Variants in GRM7 observed in about 807,000 individuals in gnomAD.
GRM7 encodes glutamate metabotropic receptor 7.
In GRM7, 35 loss-of-function variants were observed where a neutral mutation model predicts 84.5. The observed-to-expected ratio is 0.41, with a 90% CI of 0.32 to 0.55. The LOEUF (loss-of-function observed/expected upper bound fraction) is 0.55. Among genes scored for constraint, GRM7 ranks in the 20% least tolerant of loss-of-function variants. The pLI is 0.19. For synonymous variants in GRM7, 487 were observed against 455.1 expected (o/e 1.07, Z -0.89); for missense variants, 1,003 against 1,194.6 (o/e 0.84, Z 2.36).
chr3:7,664,114 G>A (rs757652119), intron 8 of GRM7, among the ~76,000 whole-genome samples: 1 of 152,088 alleles, frequency 6.6e-6, no homozygotes, highest in Non-Finnish European at 1.5e-5. Flanking sequence ...ATCTACAAGG[G>A]TATGTAAAAT....
chr3:7,591,334 T>G (rs1389688815), intron 8 of GRM7: 1 of 210,436 alleles, frequency 4.8e-6, no homozygotes, highest in Non-Finnish European at 9.9e-6. Context: ...TATATAATTT[T>G]CAGTCTTCAG....
At chr3:7,102,333 A>G (rs1203965031) in intron 1 of GRM7, among the ~76,000 whole-genome samples, 1 of 151,714 alleles carries the variant, frequency 6.6e-6, no homozygotes, top group Non-Finnish European at 1.5e-5. Context: ...TTAATAATTC[A>G]TTAACAACAT....
At chr3:7,219,872 A>G (rs1302243653) in intron 2 of GRM7, among the ~76,000 whole-genome samples, 1 of 152,214 alleles carries the variant, frequency 6.6e-6, no homozygotes, top group East Asian at 1.9e-4. Context: ...ATTCTGGAGT[A>G]TCTTGTGGTG....
intron 1 of GRM7, among the ~76,000 whole-genome samples, chr3:6,949,736 T>C (rs2125067267): frequency 6.6e-6 from 1 of 152,312 alleles, no homozygotes; most frequent in South Asian, 2.1e-4. Flanking sequence ...CCCATATTTC[T>C]TGGAGGCTTT....
chr3:6,957,032 T>C (rs1181672942), intron 1 of GRM7, among the ~76,000 whole-genome samples: 2 of 152,226 alleles, frequency 1.3e-5, no homozygotes, highest in Non-Finnish European at 2.9e-5. Context: ...TTTATATGTA[T>C]AGATATAGCG....
intron 1 of GRM7, among the ~76,000 whole-genome samples, chr3:6,910,906 T>TATTGCA (rs3060191): frequency 2.2e-3 from 335 of 152,242 alleles, no homozygotes; most frequent in African/African-American, 7.7e-3. Flanking sequence ...CAGAGTTCTA[T>TATTGCA]ATTGCAATAA....
At chr3:7,127,108 T>C (rs1246762856) in intron 1 of GRM7, among the ~76,000 whole-genome samples, 1 of 152,194 alleles carries the variant, frequency 6.6e-6, no homozygotes, top group Non-Finnish European at 1.5e-5. Flanking sequence ...TAAAAAGTAA[T>C]GTCAGTTGTA....
intron 1 of GRM7, among the ~76,000 whole-genome samples, chr3:6,876,006 G>A (rs1695286523): frequency 1.3e-5 from 2 of 152,130 alleles, no homozygotes; most frequent in African/African-American, 2.4e-5. Context: ...AGTGGCTCAC[G>A]CGTGTAACCA....
rs1694790669 is a variant in GRM7 at position 6,862,539 on chromosome 3, G to A, written c.519+632G>A. 6.6e-6 allele frequency among the ~76,000 whole-genome samples: 1 copy of A among 152,170 alleles called. No homozygotes were observed. Among genetic ancestry groups the A allele is most frequent in the Non-Finnish European group, 1.5e-5 (1 of 68,042 alleles). On this transcript the variant is annotated intron_variant, in intron 1 of 9. Coordinates refer to ENST00000357716, the MANE Select transcript of GRM7 (RefSeq NM_000844.4). The surrounding 1 kb of genome is among the most constrained non-coding windows in gnomAD (Gnocchi z 5.2). ...TGGGACCTTCCTCAGGTGGAGAGAT[G>A]CTGCCCGCAGACGTGACCCCCGGTT... is the stretch of plus-strand genomic sequence containing the variant.
intron 1 of GRM7, among the ~76,000 whole-genome samples, chr3:7,092,390 G>A (rs1215881853): frequency 6.6e-6 from 1 of 152,042 alleles, no homozygotes; most frequent in Non-Finnish European, 1.5e-5. Context: ...TTTAATCCAG[G>A]ATCCTGTACT....
chr3:7,217,285 A>C (rs1696646485), intron 2 of GRM7, among the ~76,000 whole-genome samples: 3 of 152,310 alleles, frequency 2.0e-5, no homozygotes, highest in South Asian at 2.1e-4. Context: ...CATTCACTAA[A>C]GTGTGTACTG....
At chr3:7,138,850 T>G (rs1007020648) in intron 1 of GRM7, among the ~76,000 whole-genome samples, 1 of 151,264 alleles carries the variant, frequency 6.6e-6, no homozygotes, top group Non-Finnish European at 1.5e-5. Flanking sequence ...CAGAATAGAT[T>G]CCTAAGATGT....
intron 4 of GRM7, among the ~76,000 whole-genome samples, chr3:7,334,584 T>C (rs957834400): frequency 2.1e-4 from 32 of 152,228 alleles, no homozygotes; most frequent in African/African-American, 5.1e-4. Flanking sequence ...TAACATTGAA[T>C]GTAAATGGCC....
chr3:7,570,030 G>T (rs970359611), intron 7 of GRM7, among the ~76,000 whole-genome samples: 5 of 152,110 alleles, frequency 3.3e-5, no homozygotes, highest in Non-Finnish European at 5.9e-5. Context: ...AAAACCATCA[G>T]ATCTCATGAG....
chr3:6,980,063 T>C (rs916453972), intron 1 of GRM7, among the ~76,000 whole-genome samples: 1 of 152,202 alleles, frequency 6.6e-6, no homozygotes, highest in Non-Finnish European at 1.5e-5. Flanking sequence ...TTAGAATTAA[T>C]GGCCTTTAAG....
chr3:7,679,371 A>G (rs1182482624), intron 8 of GRM7, among the ~76,000 whole-genome samples: 1 of 150,916 alleles, frequency 6.6e-6, no homozygotes, highest in African/African-American at 2.4e-5. Flanking sequence ...AGCACAAACC[A>G]TCCAAACTGC....
chr3:7,532,438 T>G (rs929871683), intron 7 of GRM7, among the ~76,000 whole-genome samples: 10 of 152,124 alleles, frequency 6.6e-5, no homozygotes, highest in Non-Finnish European at 1.0e-4. Context: ...CTGATGGTAG[T>G]TTGTATTTCT....
chr3:6,983,735 A>T (rs1250850497), intron 1 of GRM7, among the ~76,000 whole-genome samples: 1 of 152,062 alleles, frequency 6.6e-6, no homozygotes, highest in Non-Finnish European at 1.5e-5. Flanking sequence ...CTTTTGTAAT[A>T]ATATTATTTA....
chr3:7,592,764 CCA>C (rs1695856690), intron 8 of GRM7, among the ~76,000 whole-genome samples: 1 of 152,128 alleles, frequency 6.6e-6, no homozygotes, highest in Admixed American at 6.6e-5. Flanking sequence ...CATACTTTTT[CCA>C]CAGTTTCTTC....
Sources: allele counts gnomAD v4.1 joint callset (sites outside exome capture counted in the v4.1 genomes callset), GRCh38; gene constraint gnomAD v4.1.1; non-coding constraint Gnocchi (gnomAD v3.1); transcripts MANE v1.5; gene names NCBI Gene and HGNC (gene_info 2026-07-23, HGNC 2026-07-21).